Variants in KIF5C observed in about 807,000 individuals in gnomAD.
The protein encoded by KIF5C is kinesin heavy chain isoform 5C.
Under a neutral mutation model 125.2 loss-of-function variants are expected in KIF5C, and 18 were observed. The ratio of observed to expected loss-of-function variants is 0.14; its 90% CI spans 0.10 to 0.21. The LOEUF is 0.21. Among genes scored for constraint, KIF5C ranks in the 10% least tolerant of loss-of-function variants. KIF5C has a pLI of 1.00. For missense variants in KIF5C, 780 were observed against 1,183.8 expected (o/e 0.66, Z 5.01); for synonymous variants, 405 against 434.0 (o/e 0.93, Z 0.83).
At chr2:148,914,073 T>G (rs1444588067) in intron 1 of KIF5C, among the ~76,000 whole-genome samples, 3 of 152,204 alleles carry the variant, frequency 2.0e-5, no homozygotes, top group African/African-American at 4.8e-5. Flanking sequence ...TTGTGATAGC[T>G]TGTTAGAGCC....
At chr2:148,959,992 G>T (rs1350844894) in intron 10 of KIF5C, among the ~76,000 whole-genome samples, 2 of 152,116 alleles carry the variant, frequency 1.3e-5, no homozygotes, top group Non-Finnish European at 1.5e-5. Flanking sequence ...CCTAATGTGG[G>T]TACCACATTA....
rs1296016084 is a variant in KIF5C at position 148,921,409 on chromosome 2, C to T, written c.127-728C>T. Among the ~76,000 whole-genome samples, 6 of 152,190 alleles carry T rather than the reference C, an allele frequency of 3.9e-5. No individual in the cohort carries two copies. In the East Asian group the frequency reaches 9.6e-4, roughly 24 times the overall value. The stretch of plus-strand genomic sequence containing the variant: ...TTGGACACAAAGCAATAATATCTTT[C>T]TAATAAGAGCAGCTACTTAAATCTG... On this transcript the variant is annotated intron_variant, in intron 1 of 25. Transcript: ENST00000435030.
chr2:148,875,962 C>A (rs543113184), intron 1 of KIF5C, among the ~76,000 whole-genome samples: 7 of 84,172 alleles, frequency 8.3e-5, no homozygotes, highest in Admixed American at 2.9e-4. Flanking sequence ...GCGGGGGTGG[C>A]GGGGGTGGGG....
intron 7 of KIF5C, 102 bp from the exon 8 acceptor site, chr2:148,946,797 A>G: frequency 6.6e-7 from 1 of 1,515,046 alleles, no homozygotes; most frequent in South Asian, 1.3e-5. Context: ...TACTTCAATG[A>G]AATGGATCTA....
At chr2:148,877,162 G>C (rs984311021) in intron 1 of KIF5C, 1 of 152,304 alleles carries the variant, frequency 6.6e-6, no homozygotes, top group Middle Eastern at 3.2e-3. Flanking sequence ...TGTACCGTAA[G>C]GCGGGAGCTC....
intron 25 of KIF5C, among the ~76,000 whole-genome samples, chr2:149,012,588 G>C (rs899514529): frequency 1.3e-5 from 2 of 152,226 alleles, no homozygotes; most frequent in Non-Finnish European, 2.9e-5. Context: ...CATCACTCAG[G>C]GTCCCGGCAT....
intron 1 of KIF5C, among the ~76,000 whole-genome samples, chr2:148,901,681 A>G (rs1421354399): frequency 1.3e-5 from 2 of 152,162 alleles, no homozygotes; most frequent in Non-Finnish European, 2.9e-5. Flanking sequence ...TGCTCTGGGA[A>G]CCAGCTGGGC....
At position 149,008,007 on chromosome 2, in the gene KIF5C, G is replaced by A; in HGVS notation, c.2490G>A (p.Gln830=). The A allele has an allele frequency of 6.2e-7, 1 of 1,612,288 alleles. No homozygotes were observed. Among genetic ancestry groups the A allele is most frequent in the Non-Finnish European group, 8.5e-7 (1 of 1,178,692 alleles). Residue 830 remains glutamine (Q), a synonymous_variant, in exon 23 of 26, where the codon CAG becomes CAA. Coordinates refer to ENST00000435030, the MANE Select transcript of KIF5C (RefSeq NM_004522.3). The stretch of plus-strand genomic sequence containing the variant: ...ATGATGGAGGGGGCAGTGCTGCCCA[G>A]AAGCAGAAAATTTCCTTCTTGGAGA... ...DNDDGGGSAA[Q]KQKISFLENN... is the part of the protein sequence containing the mutation.
At chr2:149,006,221 GTGAA>G (rs1352863318) in intron 22 of KIF5C, among the ~76,000 whole-genome samples, 1 of 152,206 alleles carries the variant, frequency 6.6e-6, no homozygotes, top group African/African-American at 2.4e-5. Context: ...ACGTGTGTGT[GTGAA>G]TGTGTGTCAG....
At chr2:148,990,543 C>T (rs1440679585) in intron 15 of KIF5C, among the ~76,000 whole-genome samples, 1 of 152,176 alleles carries the variant, frequency 6.6e-6, no homozygotes, top group African/African-American at 2.4e-5. Context: ...ATATTCAAGG[C>T]ATTACACTAC....
chr2:148,995,647 G>A (rs930173667), intron 17 of KIF5C, among the ~76,000 whole-genome samples: 1 of 152,088 alleles, frequency 6.6e-6, no homozygotes, highest in African/African-American at 2.4e-5. Context: ...CATACCTTTT[G>A]ATCATCACAC....
intron 25 of KIF5C, among the ~76,000 whole-genome samples, chr2:149,019,867 C>T (rs1168599710): frequency 6.6e-6 from 1 of 152,228 alleles, no homozygotes; most frequent in Non-Finnish European, 1.5e-5. Context: ...CCTTCATTAG[C>T]TTTCCCCACC....
intron 24 of KIF5C, 151 bp from the exon 25 acceptor site, chr2:149,011,419 C>T: frequency 1.8e-6 from 2 of 1,142,780 alleles, no homozygotes; most frequent in Non-Finnish European, 2.3e-6. Context: ...GATAGTTTTC[C>T]CATTTTCAGA....
chr2:148,948,423 G>A (rs1682577421), intron 8 of KIF5C, among the ~76,000 whole-genome samples: 1 of 152,088 alleles, frequency 6.6e-6, no homozygotes, highest in Non-Finnish European at 1.5e-5. Context: ...ACAACAGATG[G>A]AAATAATGGA....
intron 1 of KIF5C, chr2:148,878,937 C>T (rs1681270975): frequency 6.6e-6 from 1 of 152,102 alleles, no homozygotes; most frequent in African/African-American, 2.4e-5. Context: ...CATTTTTTCC[C>T]TTAAAGTTCT....
intron 7 of KIF5C, 110 bp downstream of exon 7, chr2:148,942,870 G>C: frequency 6.5e-7 from 1 of 1,529,230 alleles, no homozygotes; most frequent in Non-Finnish European, 8.9e-7. Context: ...ATGGGAAGGT[G>C]ATTAAAGAGC....
chr2:148,995,625 T>C (rs1269382470), intron 17 of KIF5C, among the ~76,000 whole-genome samples: 1 of 152,206 alleles, frequency 6.6e-6, no homozygotes. Context: ...TATTAATAAC[T>C]GTAACATTTT....
chr2:148,943,523 A>G (rs1396404472), intron 7 of KIF5C, among the ~76,000 whole-genome samples: 1 of 152,216 alleles, frequency 6.6e-6, no homozygotes, highest in Non-Finnish European at 1.5e-5. Context: ...TGTGTGGACA[A>G]TGTAATATAT....
chr2:148,999,759 A>T (rs1431968944), intron 19 of KIF5C, among the ~76,000 whole-genome samples: 3 of 152,216 alleles, frequency 2.0e-5, no homozygotes, highest in African/African-American at 7.2e-5. Flanking sequence ...TGTGCCTTTC[A>T]AATGGACTCT....
Sources: allele counts gnomAD v4.1 joint callset (sites outside exome capture counted in the v4.1 genomes callset), GRCh38; gene constraint gnomAD v4.1.1; transcripts MANE v1.5; gene names NCBI Gene and HGNC (gene_info 2026-07-23, HGNC 2026-07-21).